Variants in TAF3 observed in about 807,000 individuals in gnomAD.
TAF3 encodes the protein TATA-box binding protein associated factor 3.
A neutral mutation model predicts 80.6 loss-of-function variants in TAF3; 7 were observed. The ratio of observed to expected loss-of-function variants is 0.09; its 90% CI spans 0.05 to 0.16. TAF3 has a LOEUF of 0.16. Among genes scored for constraint, TAF3 ranks in the 10% least tolerant of loss-of-function variants. The probability of loss-of-function intolerance (pLI) is 1.00; values close to 1 mark genes in which losing one functional copy is unlikely to be tolerated. For missense variants in TAF3, 921 were observed against 1,140.2 expected (o/e 0.81, Z 2.77); for synonymous variants, 444 against 446.1 (o/e 1.00, Z 0.06).
At chr10:7,845,983 AAT>A (rs2131120339) in intron 2 of TAF3, among the ~76,000 whole-genome samples, 3 of 138,010 alleles carry the variant, frequency 2.2e-5, no homozygotes, top group South Asian at 4.7e-4. Flanking sequence ...TTTTTGAGGC[AAT>A]GTCTCGCCTG....
In TAF3 at chr10:7,964,794, C is replaced by G; in HGVS notation, c.1284C>G (p.Gly428=). The change falls in exon 3 of 7, where the codon GGC becomes GGG. Residue 428 remains glycine (G), a synonymous_variant. Transcript: ENST00000344293. The surrounding 1 kb of genome is among the most constrained non-coding windows in gnomAD (Gnocchi z 4.1). The part of the protein sequence containing the change: ...DIFTSPKRIS[G]PECTTPKAST... ...TTACTAGCCCTAAGAGAATTTCAGG[C>G]CCGGAGTGTACTACTCCCAAAGCTT... The G allele has an allele frequency of 1.2e-6, 2 of 1,614,124 alleles. No homozygotes were observed. The highest frequency in any genetic ancestry group is 8.5e-7 in the Non-Finnish European group (1 of 1,180,030).
chr10:7,939,613 CACACACA>C (rs1483570258), intron 2 of TAF3, among the ~76,000 whole-genome samples: 1 of 150,404 alleles, frequency 6.6e-6, no homozygotes, highest in Non-Finnish European at 1.5e-5. Context: ...CACACACACA[CACACACA>C]CCTCTACCTA....
intron 2 of TAF3, among the ~76,000 whole-genome samples, chr10:7,898,309 G>T (rs1252612536): frequency 2.0e-5 from 3 of 152,110 alleles, no homozygotes; most frequent in Non-Finnish European, 4.4e-5. Context: ...CACTTTGGGA[G>T]GCCAAGGTGG....
chr10:7,830,583 A>G (rs984821355), intron 2 of TAF3, among the ~76,000 whole-genome samples: 2 of 138,680 alleles, frequency 1.4e-5, no homozygotes, highest in Non-Finnish European at 3.0e-5. Context: ...TCCTGGGTTC[A>G]AGCGATTCTC....
chr10:7,959,815 A>C (rs1337008876), intron 2 of TAF3, among the ~76,000 whole-genome samples: 4 of 152,240 alleles, frequency 2.6e-5, no homozygotes, highest in African/African-American at 7.2e-5. Flanking sequence ...ATATCTTACT[A>C]TACAGAAAAA....
Position 7,884,517 on chromosome 10 carries a change from G to A in TAF3, c.409+59957G>A, listed in dbSNP as rs944072348. ...TTCTCCTGTCTCAGCCTCCCGAGTA[G>A]CTAGGATTATAGGCGCCCGCCACCA... On this transcript the variant is annotated intron_variant, in intron 2 of 6. Coordinates refer to ENST00000344293, the MANE Select transcript of TAF3 (RefSeq NM_031923.4). Among the ~76,000 whole-genome samples the A allele has an allele frequency of 5.3e-5, 8 of 151,578 alleles. No homozygotes were observed. In the South Asian group the frequency reaches 1.0e-3, roughly 20 times the overall value.
At chr10:7,925,913 A>G (rs145160445) in intron 2 of TAF3, among the ~76,000 whole-genome samples, 199 of 151,956 alleles carry the variant, frequency 1.3e-3, no homozygotes, top group Non-Finnish European at 2.4e-3. Flanking sequence ...GGATTGTAAT[A>G]ATCTCTTAAG....
intron 4 of TAF3, among the ~76,000 whole-genome samples, chr10:7,978,265 A>G (rs1831692655): frequency 6.6e-6 from 1 of 152,230 alleles, no homozygotes; most frequent in Non-Finnish European, 1.5e-5. Flanking sequence ...TATTTAGTAG[A>G]GAGGACAGAA....
At chr10:7,959,395 C>G (rs925046318) in intron 2 of TAF3, among the ~76,000 whole-genome samples, 3 of 152,140 alleles carry the variant, frequency 2.0e-5, no homozygotes, top group Non-Finnish European at 4.4e-5. Context: ...TAATTCATTT[C>G]TATTCCTTTA....
chr10:7,833,777 G>T, intron 2 of TAF3: 1 of 306,206 alleles, frequency 3.3e-6, no homozygotes, highest in Admixed American at 4.3e-5. Context: ...CATTCTGGAT[G>T]GGCATGACTG....
At chr10:8,005,540 C>T (rs1029202525) in intron 4 of TAF3, among the ~76,000 whole-genome samples, 6 of 152,200 alleles carry the variant, frequency 3.9e-5, no homozygotes, top group South Asian at 2.1e-4. Flanking sequence ...CCTTCCACTT[C>T]GGGCAGATCC....
chr10:7,968,656 T>C (rs1588570850), intron 3 of TAF3, among the ~76,000 whole-genome samples: 1 of 152,190 alleles, frequency 6.6e-6, no homozygotes, highest in African/African-American at 2.4e-5. Context: ...ATGCTGTAAT[T>C]ATTATCACTT....
At chr10:7,999,027 C>A (rs1831917697) in intron 4 of TAF3, among the ~76,000 whole-genome samples, 1 of 151,920 alleles carries the variant, frequency 6.6e-6, no homozygotes, top group Middle Eastern at 3.2e-3. Context: ...GACTAGGTGG[C>A]TGAGGAAGTG....
Position 7,824,457 on chromosome 10 carries a change from C to T in TAF3, c.306C>T (p.Ser102=). The change falls in exon 2 of 7, where the codon AGC becomes AGT. Residue 102 remains serine, a synonymous_variant. Coordinates refer to ENST00000344293, the MANE Select transcript of TAF3 (RefSeq NM_031923.4). ...FPHQIPSFPV[S]KNNVLQFPQP... is the part of the protein sequence containing the mutation. ...ACCAAATTCCGTCATTTCCTGTTAGCAAGAACAATGTACTTCAGTTTCCTC... is the reference window on the plus strand; with the variant it reads ...ACCAAATTCCGTCATTTCCTGTTAGTAAGAACAATGTACTTCAGTTTCCTC... 2 of 1,614,106 alleles carry T rather than the reference C, an allele frequency of 1.2e-6. No homozygotes were observed. The highest frequency in any genetic ancestry group is 1.3e-5 in the African/African-American group (1 of 75,012).
chr10:7,989,783 C>T (rs1324308920), intron 4 of TAF3, among the ~76,000 whole-genome samples: 1 of 152,104 alleles, frequency 6.6e-6, no homozygotes, highest in African/African-American at 2.4e-5. Context: ...ACCCCAGATG[C>T]AGAGAATGAT....
intron 2 of TAF3, among the ~76,000 whole-genome samples, chr10:7,929,345 G>A (rs569677987): frequency 1.3e-5 from 2 of 151,932 alleles, no homozygotes; most frequent in South Asian, 2.1e-4. Flanking sequence ...ATGATTGTGT[G>A]AAGTAAGATA....
At chr10:7,977,346 A>G in intron 4 of TAF3, 23 bp downstream of exon 4, 1 of 1,610,512 alleles carries the variant, frequency 6.2e-7, no homozygotes, top group Non-Finnish European at 8.5e-7. Context: ...GTTTTGAATC[A>G]GGGTGAAACA....
chr10:7,890,438 T>G (rs1235434331), intron 2 of TAF3, among the ~76,000 whole-genome samples: 1 of 152,220 alleles, frequency 6.6e-6, no homozygotes, highest in Non-Finnish European at 1.5e-5. Context: ...CTTATCCTAT[T>G]AGAGTTGGTT....
At chr10:7,838,243 A>C (rs941502928) in intron 2 of TAF3, among the ~76,000 whole-genome samples, 1 of 152,208 alleles carries the variant, frequency 6.6e-6, no homozygotes, top group African/African-American at 2.4e-5. Context: ...TGTTGAATAT[A>C]GAGAGATGAG....
Sources: gnomAD v4.1 joint callset for allele counts (sites outside exome capture counted in the v4.1 genomes callset) on GRCh38, gnomAD v4.1.1 for gene constraint, Gnocchi (gnomAD v3.1) non-coding constraint, MANE v1.5 for transcripts, NCBI Gene and HGNC (gene_info 2026-07-23, HGNC 2026-07-21) for gene names.